CAPN13: variants seen among roughly 807,000 people sequenced by gnomAD.
The protein encoded by CAPN13 is calpain-13.
A neutral mutation model predicts 98.4 loss-of-function variants in CAPN13; 90 were observed. That is an observed-to-expected ratio of 0.92 (90% CI 0.77 to 1.09). CAPN13 has a LOEUF of 1.09. Ranked by LOEUF, CAPN13 falls within the 50% of genes least tolerant of loss-of-function variation. The pLI, the probability that CAPN13 is intolerant of heterozygous loss-of-function variation, is 0.00. For synonymous variants in CAPN13, 330 were observed against 305.5 expected, an observed-to-expected ratio of 1.08 and a Z score of -0.84; for missense variants, 887 against 841.3, an observed-to-expected ratio of 1.05 and a Z score of -0.67.
At chr2:30,774,428 G>C (rs1233118831) in intron 4 of CAPN13, among the ~76,000 whole-genome samples, 1 of 151,898 alleles carries the variant, frequency 6.6e-6, no homozygotes, top group Non-Finnish European at 1.5e-5. Flanking sequence ...AAGAAAAGCG[G>C]AATTAAGAAA....
At chr2:30,801,406 G>A (rs1056649129) in intron 1 of CAPN13, among the ~76,000 whole-genome samples, 1 of 151,730 alleles carries the variant, frequency 6.6e-6, no homozygotes, top group Non-Finnish European at 1.5e-5. Flanking sequence ...ACGAGGTCAG[G>A]AGTTTGAGAC....
At chr2:30,730,904 A>C (rs1671049192) in intron 21 of CAPN13, 118 bp from the exon 22 acceptor site, 1 of 726,306 alleles carries the variant, frequency 1.4e-6, no homozygotes, top group Non-Finnish European at 2.5e-6. Context: ...CACCCCTTCC[A>C]GCTAATTCCA....
At chr2:30,756,719 T>C (rs963377286) in intron 8 of CAPN13, among the ~76,000 whole-genome samples, 6 of 152,012 alleles carry the variant, frequency 3.9e-5, no homozygotes, top group African/African-American at 1.5e-4. Context: ...AGGATTTGTA[T>C]TGGAAAGGGC....
chr2:30,777,321 G>A (rs759758195), intron 3 of CAPN13, among the ~76,000 whole-genome samples: 26 of 152,216 alleles, frequency 1.7e-4, no homozygotes, highest in Non-Finnish European at 3.7e-4. Context: ...TATAAAATGG[G>A]GTTGTTGCAC....
At chr2:30,800,128 G>GAAAGAAAAGAAAGA (rs1558351422) in intron 1 of CAPN13, among the ~76,000 whole-genome samples, 51 of 129,438 alleles carry the variant, frequency 3.9e-4, no homozygotes, top group African/African-American at 1.5e-3. Flanking sequence ...AAGAAAGAAA[G>GAAAGAAAAGAAAGA]AAAGAAAGAA....
At chr2:30,771,342 G>A (rs1673398563) in intron 4 of CAPN13, among the ~76,000 whole-genome samples, 1 of 152,210 alleles carries the variant, frequency 6.6e-6, no homozygotes. Context: ...GGGTGGATGG[G>A]ATCGCTTATC....
At chr2:30,755,241 G>A (rs1291383297) in intron 8 of CAPN13, among the ~76,000 whole-genome samples, 1 of 151,816 alleles carries the variant, frequency 6.6e-6, no homozygotes. Flanking sequence ...ATTGCCTCTG[G>A]GAAGCCTTGC....
At chr2:30,766,834 A>G (rs1673137842) in intron 5 of CAPN13, among the ~76,000 whole-genome samples, 1 of 152,172 alleles carries the variant, frequency 6.6e-6, no homozygotes. Context: ...ACAAAACCCT[A>G]AATATGGTTT....
At position 30,764,260 on chromosome 2, in the gene CAPN13, C is replaced by A; in HGVS notation, c.571G>T (p.Ala191Ser). The change falls in exon 6 of 23, where the codon GCC (alanine) becomes TCC (serine). Residue 191 changes from alanine to serine, a missense_variant. By Grantham distance (99) the Ala-to-Ser change is moderately conservative. Transcript: ENST00000295055. The stretch of plus-strand genomic sequence containing the variant: ...ACGCCTCCTGTGAGGTCCACCAGGG[C>A]ATCCTCGAGGAAGCCATAGTGCAGA... ...SDLHYGFLED[A>S]LVDLTGGVIT... 1 of 1,613,824 alleles carries A rather than the reference C, an allele frequency of 6.2e-7. No homozygotes were observed. The highest frequency in any genetic ancestry group is 2.2e-5 in the East Asian group (1 of 44,876).
At chr2:30,723,601 C>T (rs185868939) in intron 22 of CAPN13, among the ~76,000 whole-genome samples, 3 of 152,296 alleles carry the variant, frequency 2.0e-5, no homozygotes, top group African/African-American at 7.2e-5. Flanking sequence ...AGGGCTGAGG[C>T]CAGGGGCTGC....
In CAPN13 at chr2:30,787,182, G is replaced by A; in HGVS notation, c.144C>T (p.Gly48=). The A allele has an allele frequency of 6.3e-7, 1 of 1,594,930 alleles. No homozygotes were observed. Among genetic ancestry groups the A allele is most frequent in the Non-Finnish European group, 8.5e-7 (1 of 1,170,480 alleles). ...GGCGTTTTTCCTGGAGCAGCTTCTG[G>A]CCTATGGAAGAATCTGCTGCAGGGA... The part of the protein sequence containing the change: ...ETFPAADSSI[G]QKLLQEKRLS... Residue 48 remains glycine, a synonymous_variant, in exon 2 of 23, where the codon GGC becomes GGT. Transcript: ENST00000295055.
At chr2:30,765,977 G>C (rs1673089069) in intron 5 of CAPN13, among the ~76,000 whole-genome samples, 1 of 152,172 alleles carries the variant, frequency 6.6e-6, no homozygotes, top group Admixed American at 6.5e-5. Flanking sequence ...AGCCTTCTTT[G>C]GTGGTGAGCG....
intron 4 of CAPN13, among the ~76,000 whole-genome samples, chr2:30,774,413 G>T (rs1004923886): frequency 6.6e-6 from 1 of 151,904 alleles, no homozygotes; most frequent in Non-Finnish European, 1.5e-5. Flanking sequence ...CAGATCGACT[G>T]GATAAAGAAA....
chr2:30,754,706 C>G (rs959746931), intron 8 of CAPN13, among the ~76,000 whole-genome samples: 3 of 152,126 alleles, frequency 2.0e-5, no homozygotes, highest in Non-Finnish European at 4.4e-5. Flanking sequence ...GAGTCCCTCT[C>G]TCACACCCCC....
At chr2:30,724,110 C>G (rs1181122234) in intron 22 of CAPN13, among the ~76,000 whole-genome samples, 3 of 152,180 alleles carry the variant, frequency 2.0e-5, no homozygotes, top group African/African-American at 4.8e-5. Context: ...CCTTTCATGT[C>G]TACATCTTCC....
chr2:30,741,276 C>T (rs1320131815), intron 15 of CAPN13: 3 of 638,926 alleles, frequency 4.7e-6, no homozygotes, highest in East Asian at 2.8e-4. Flanking sequence ...AGAGGCAGGG[C>T]CTGCCATCCT....
rs918668192 is a variant in CAPN13 at position 30,743,711 on chromosome 2, G to A, written c.1249-132C>T. The A allele has an allele frequency of 4.9e-6, 4 of 809,906 alleles. No homozygotes were observed. The African/African-American group carries it at 6.8e-5, about 14-fold the overall frequency. The allele number at this position is 809,906 out of a possible 1,614,324, so 50.2% of individuals were successfully genotyped here. A position where few individuals can be genotyped will look rare whatever the true frequency, so the allele number is the denominator to read the frequency against. ...TAACATTACAGGCTCTATAAATGGA[G>A]ACAGTGCTCAGCTGAAGTCTCAAAA... On this transcript the variant is annotated intron_variant, in intron 12 of 22. Transcript: ENST00000295055.
chr2:30,773,969 T>TC (rs1471568681), intron 4 of CAPN13, among the ~76,000 whole-genome samples: 1 of 151,948 alleles, frequency 6.6e-6, no homozygotes, highest in African/African-American at 2.4e-5. Flanking sequence ...TTTATTAATC[T>TC]CCCCAAATGC....
chr2:30,806,266 T>C (rs1675617701), intron 1 of CAPN13: 1 of 152,208 alleles, frequency 6.6e-6, no homozygotes, highest in Non-Finnish European at 1.5e-5. Context: ...ACTTTTTCCA[T>C]CTACAAAATG....
Sources: allele counts gnomAD v4.1 joint callset (sites outside exome capture counted in the v4.1 genomes callset), GRCh38; gene constraint gnomAD v4.1.1; transcripts MANE v1.5; gene names NCBI Gene and HGNC (gene_info 2026-07-23, HGNC 2026-07-21).